Variants in AMIGO2 observed in about 807,000 individuals in gnomAD.
The protein encoded by AMIGO2 is adhesion molecule with Ig like domain 2, also known as amphoterin-induced protein 2.
A neutral mutation model predicts 23.7 loss-of-function variants in AMIGO2; 15 were observed. The ratio of observed to expected loss-of-function variants is 0.63; its 90% CI spans 0.42 to 0.98. The LOEUF is 0.98. Among genes scored for constraint, AMIGO2 ranks in the 50% least tolerant of loss-of-function variants. The pLI is 0.00. For missense variants in AMIGO2, 561 were observed against 633.1 expected, an observed-to-expected ratio of 0.89 and a Z score of 1.22; for synonymous variants, 264 against 252.3, an observed-to-expected ratio of 1.05 and a Z score of -0.44.
Position 47,078,652 on chromosome 12 carries a change from T to G in AMIGO2, c.351A>C (p.Pro117=). Residue 117 remains proline, a synonymous_variant, in exon 3 of 3, where the codon CCA becomes CCC. Coordinates refer to ENST00000550413, the MANE Select transcript of AMIGO2 (RefSeq NM_001370299.1). ...ACGATAAGTCAAGACACTTCAAATTTGGAGTTGTGGAAAAACTGCCCGTGG... is the reference window on the plus strand; with the variant it reads ...ACGATAAGTCAAGACACTTCAAATTGGGAGTTGTGGAAAAACTGCCCGTGG... ...SISTGSFSTT[P]NLKCLDLSSN... The G allele has an allele frequency of 6.2e-7, 1 of 1,614,194 alleles. No individual in the cohort carries two copies. Among genetic ancestry groups the G allele is most frequent in the African/African-American group, 1.3e-5 (1 of 75,040 alleles).
rs2137114162 is a variant in AMIGO2 at position 47,078,158 on chromosome 12, C to A, written c.845G>T (p.Cys282Phe). Reference protein sequence around the residue: ...VLLLQDSFMNCSDSIINGSFR... With the variant: ...VLLLQDSFMNFSDSIINGSFR... ...GGAACCATTGATGATGCTGTCAGAG[C>A]AATTCATAAAGCTATCCTGGAGCAG... The change falls in exon 3 of 3, where the codon TGC becomes TTC. Residue 282 changes from cysteine to phenylalanine, a missense_variant. Cys to Phe is a radical substitution (Grantham distance 205). Coordinates refer to ENST00000550413, the MANE Select transcript of AMIGO2 (RefSeq NM_001370299.1). 3.7e-6 allele frequency: 6 copies of A among 1,614,146 alleles called. No individual in the cohort carries two copies. The highest frequency in any genetic ancestry group is 5.1e-6 in the Non-Finnish European group (6 of 1,180,034).
chr12:47,078,221 C>A lies in AMIGO2; in HGVS notation c.782G>T (p.Arg261Leu). Reference protein sequence around the residue: ...VMDFKNDYTCRLWSDSRHSRQ... With the variant: ...VMDFKNDYTCLLWSDSRHSRQ... ...CGAGTGCCTGGAGTCAGACCACAGG[C>A]GACAGGTGTAATCGTTCTTAAAATC... The change falls in exon 3 of 3, where the codon CGC becomes CTC. Residue 261 changes from arginine (R) to leucine (L), a missense_variant. Physicochemically the swap from Arg to Leu is moderately radical, Grantham distance 102. Transcript: ENST00000550413. The A allele has an allele frequency of 6.2e-7, 1 of 1,614,128 alleles. No homozygotes were observed. Among genetic ancestry groups the A allele is most frequent in the Non-Finnish European group, 8.5e-7 (1 of 1,180,018 alleles).
At chr12:47,076,035 C>T (rs1291319119), downstream of AMIGO2, 1 of 152,196 alleles carries the variant, frequency 6.6e-6, no homozygotes, top group Non-Finnish European at 1.5e-5. Context: ...TGATGTGGAA[C>T]ATCTCTTCAA....
rs954755228 is a variant in AMIGO2 at position 47,076,759 on chromosome 12, T to C, written c.*675A>G. ...ATTTATGGCAACAAATTATGATGAC[T>C]TTAAATTTTCAATGAGATCTTTTGT... is the stretch of plus-strand genomic sequence containing the variant. On this transcript the variant is annotated 3_prime_UTR_variant, in exon 3 of 3. Coordinates refer to ENST00000550413, the MANE Select transcript of AMIGO2 (RefSeq NM_001370299.1). 8.5e-5 allele frequency: 13 copies of C among 152,224 alleles called. No homozygotes were observed. The highest frequency in any genetic ancestry group is 3.1e-4 in the African/African-American group (13 of 41,466). 9.4% of individuals were successfully genotyped at this position (152,224 alleles called of 1,614,324 possible).
rs1391777938 is a variant in AMIGO2, at chr12:47,077,310, G to T, written c.*124C>A. ...TCATTTCCTACCAATCATTTTAAGA[G>T]AATTTGGTTGTATTTCAAAGAACAA... On this transcript the variant is annotated 3_prime_UTR_variant, in exon 3 of 3. Transcript: ENST00000550413. 2.3e-6 allele frequency: 3 copies of T among 1,295,570 alleles called. No individual in the cohort carries two copies. Among genetic ancestry groups the T allele is most frequent in the Non-Finnish European group, 3.1e-6 (3 of 965,470 alleles). 80.3% of individuals were successfully genotyped at this position (1,295,570 alleles called of 1,614,324 possible).
Position 47,077,563 on chromosome 12 carries a change from G to A in AMIGO2, c.1440C>T (p.Asn480=), listed in dbSNP as rs754703315. 31 of 1,613,992 alleles carry A rather than the reference G, an allele frequency of 1.9e-5. No homozygotes were observed. Among genetic ancestry groups the A allele is most frequent in the East Asian group, 2.2e-5 (1 of 44,900 alleles). ...EPLKDTAAGQ[N]GKVRLFPSEA... ...CGCTGGGAAAGAGCCTGACTTTCCC[G>A]TTCTGCCCTGCTGCAGTATCCTTCA... is the stretch of plus-strand genomic sequence containing the variant. The change falls in exon 3 of 3, where the codon AAC becomes AAT. Residue 480 remains asparagine, a synonymous_variant. Transcript: ENST00000550413.
In AMIGO2 at chr12:47,077,381, A is replaced by C; in HGVS notation, c.*53T>G. 6.4e-7 allele frequency: 1 copy of C among 1,550,482 alleles called. No individual in the cohort carries two copies. Among genetic ancestry groups the C allele is most frequent in the Non-Finnish European group, 8.7e-7 (1 of 1,146,406 alleles). ...GCTGTTTATTTTGCAGACCACACAC[A>C]AAGTTAAATATGAACAGATTAAATT... On this transcript the variant is annotated 3_prime_UTR_variant, in exon 3 of 3. Transcript: ENST00000550413.
chr12:47,078,299 G>A lies in AMIGO2; in HGVS notation c.704C>T (p.Ser235Phe), dbSNP rs765792219. ...CCAAAAGACCAGCAAGGAGTACAGG[G>A]AACAGTCACAGACAAATGGGTTTCC... Reference protein sequence around the residue: ...LHGNPFVCDCSLYSLLVFWYR... With the variant: ...LHGNPFVCDCFLYSLLVFWYR... Residue 235 changes from serine to phenylalanine, a missense_variant, in exon 3 of 3, where the codon TCC becomes TTC. By Grantham distance (155) the Ser-to-Phe change is radical. Coordinates refer to ENST00000550413, the MANE Select transcript of AMIGO2 (RefSeq NM_001370299.1). 1.2e-6 allele frequency: 2 copies of A among 1,613,872 alleles called. No individual in the cohort carries two copies. Among genetic ancestry groups the A allele is most frequent in the East Asian group, 2.2e-5 (1 of 44,900 alleles).
At position 47,079,198 on chromosome 12, in the gene AMIGO2, G is replaced by A. The variant is rs988621953; in HGVS notation, c.-120C>T. On this transcript the variant is annotated 5_prime_UTR_variant, in exon 2 of 3. Transcript: ENST00000550413. ...GTTTTATTTCACAATAGGGAGCTCT[G>A]TGTTGCCTCTTCACTGTTAAATGTA... is the stretch of plus-strand genomic sequence containing the variant. 1.0e-5 allele frequency: 7 copies of A among 670,870 alleles called. No homozygotes were observed. In the South Asian group the frequency reaches 2.0e-4, roughly 19 times the overall value. The allele number at this position is 670,870 out of a possible 1,614,324, so 41.6% of individuals were successfully genotyped here.
In AMIGO2 at chr12:47,077,528, A is replaced by G; in HGVS notation, c.1475T>C (p.Ile492Thr). The change falls in exon 3 of 3, where the codon ATA (isoleucine) becomes ACA (threonine). Residue 492 changes from isoleucine to threonine, a missense_variant. Ile to Thr is a moderately conservative substitution (Grantham distance 89). Transcript: ENST00000550413. ...CGTGGACTTTAGGATGCCCTCAGCT[A>G]TCACTGCCTCGCTGGGAAAGAGCCT... ...KVRLFPSEAVIAEGILKSTRG... is the reference protein window; with the variant it reads ...KVRLFPSEAVTAEGILKSTRG... 1 of 1,614,212 alleles carries G rather than the reference A, an allele frequency of 6.2e-7. No homozygotes were observed. The highest frequency in any genetic ancestry group is 8.5e-7 in the Non-Finnish European group (1 of 1,180,034).
downstream of AMIGO2, chr12:47,075,823 CTT>C (rs989311052): frequency 1.3e-5 from 2 of 152,196 alleles, no homozygotes; most frequent in Non-Finnish European, 2.9e-5. Flanking sequence ...GACAATCAAT[CTT>C]TGATTCTCCT....
rs748928017 is a variant in AMIGO2 at position 47,078,396 on chromosome 12, G to C, written c.607C>G (p.Arg203Gly). ...TGGTGCATTGGCATGGAAGGAATTCGGTTATAAGAAACATCTAAAAACATC... is the reference window on the plus strand; with the variant it reads ...TGGTGCATTGGCATGGAAGGAATTCCGTTATAAGAAACATCTAAAAACATC... ...ELMFLDVSYN[R>G]IPSMPMHHIN... Residue 203 changes from arginine to glycine, a missense_variant, in exon 3 of 3, where the codon CGA (arginine) becomes GGA (glycine). Arg to Gly is a moderately radical substitution (Grantham distance 125). Coordinates refer to ENST00000550413, the MANE Select transcript of AMIGO2 (RefSeq NM_001370299.1). The C allele has an allele frequency of 1.1e-5, 18 of 1,613,896 alleles. No individual in the cohort carries two copies. Among genetic ancestry groups the C allele is most frequent in the Non-Finnish European group, 1.4e-5 (16 of 1,180,034 alleles).
Position 47,078,128 on chromosome 12 carries a change from C to T in AMIGO2, c.875G>A (p.Arg292His), listed in dbSNP as rs201958203. ...CSDSIINGSF[R>H]ALGFIHEAQV... ...AGCCTCATGAATAAAGCCAAGCGCA[C>T]GAAAGGAACCATTGATGATGCTGTC... The change falls in exon 3 of 3, where the codon CGT becomes CAT. Residue 292 changes from arginine to histidine, a missense_variant. By Grantham distance (29) the Arg-to-His change is conservative. Coordinates refer to ENST00000550413, the MANE Select transcript of AMIGO2 (RefSeq NM_001370299.1). The T allele has an allele frequency of 8.8e-5, 142 of 1,614,014 alleles. 1 individual carries two copies. Among genetic ancestry groups the T allele is most frequent in the Non-Finnish European group, 8.1e-5 (96 of 1,180,044 alleles).
chr12:47,077,944 A>C lies in AMIGO2; in HGVS notation c.1059T>G (p.Pro353=), dbSNP rs1941882716. 6.2e-7 allele frequency: 1 copy of C among 1,613,852 alleles called. No homozygotes were observed. The highest frequency in any genetic ancestry group is 2.2e-5 in the East Asian group (1 of 44,890). ...FHNGSLVIES[P]RFEDAGVYSC... is the part of the protein sequence containing the mutation. ...AATACACTCCAGCATCCTCAAAACG[A>C]GGGCTTTCTATAACCAGACTTCCAT... Residue 353 remains proline, a synonymous_variant, in exon 3 of 3, where the codon CCT becomes CCG. Transcript: ENST00000550413.
Position 47,077,742 on chromosome 12 carries a change from G to A in AMIGO2, c.1261C>T (p.Pro421Ser). 6.2e-7 allele frequency: 1 copy of A among 1,614,212 alleles called. No individual in the cohort carries two copies. Among genetic ancestry groups the A allele is most frequent in the Non-Finnish European group, 8.5e-7 (1 of 1,180,028 alleles). ...VLVLLYLYLT[P>S]CPCKCKTKRQ... ...TTGGTTTTACACTTGCAGGGGCATG[G>A]AGTCAGATAGAGGTACAAAAGTACC... Residue 421 changes from proline to serine, a missense_variant, in exon 3 of 3, where the codon CCA becomes TCA. Coordinates refer to ENST00000550413, the MANE Select transcript of AMIGO2 (RefSeq NM_001370299.1).
In AMIGO2 at chr12:47,077,255, T is replaced by C. The variant is rs1036942821; in HGVS notation, c.*179A>G. 79 of 867,460 alleles carry C rather than the reference T, an allele frequency of 9.1e-5. No individual in the cohort carries two copies. The highest frequency in any genetic ancestry group is 1.1e-4 in the Non-Finnish European group (64 of 591,776). The allele number at this position is 867,460 out of a possible 1,614,324, so 53.7% of individuals were successfully genotyped here. On this transcript the variant is annotated 3_prime_UTR_variant, in exon 3 of 3. Coordinates refer to ENST00000550413, the MANE Select transcript of AMIGO2 (RefSeq NM_001370299.1). ...TTTGGAAAACAACCCCATCTTTCTA[T>C]GGCACATTGAGGAACTGAAGTACTT...
chr12:47,077,636 TCA>T lies in AMIGO2; in HGVS notation c.1365_1366del (p.Asp456Ter). 24 of 1,614,216 alleles carry T rather than the reference TCA, an allele frequency of 1.5e-5. No individual in the cohort carries two copies. Among genetic ancestry groups the T allele is most frequent in the Non-Finnish European group, 2.0e-5 (24 of 1,180,034 alleles). ...TTTACCTGCACCTGCCTTCCGTTCA[TCA>T]GCGGAGGCATCACTAGCGGGGCCAG... On this transcript the variant is annotated frameshift_variant, in exon 3 of 3. Coordinates refer to ENST00000550413, the MANE Select transcript of AMIGO2 (RefSeq NM_001370299.1). LOFTEE classifies it high-confidence loss of function.
In AMIGO2 at chr12:47,079,156, A is replaced by C; in HGVS notation, c.-78T>G. 1.8e-6 allele frequency: 2 copies of C among 1,117,448 alleles called. No individual in the cohort carries two copies. The highest frequency in any genetic ancestry group is 3.1e-4 in the Middle Eastern group (1 of 3,228). 69.2% of individuals were successfully genotyped at this position (1,117,448 alleles called of 1,614,324 possible). ...AAGAGCCATACCTTACTTTCTTTCC[A>C]ATAACTTTTGAAATGGGTTTTATTT... On this transcript the variant is annotated 5_prime_UTR_variant, in exon 2 of 3. It adds an upstream start codon to the 5' untranslated region. Transcript: ENST00000550413.
Position 47,077,243 on chromosome 12 carries a change from C to A in AMIGO2, c.*191G>T. On this transcript the variant is annotated 3_prime_UTR_variant, in exon 3 of 3. Coordinates refer to ENST00000550413, the MANE Select transcript of AMIGO2 (RefSeq NM_001370299.1). ...TAGAACTTAAACTTTGGAAAACAAC[C>A]CCATCTTTCTATGGCACATTGAGGA... The A allele has an allele frequency of 1.3e-6, 1 of 799,336 alleles. No individual in the cohort carries two copies. The highest frequency in any genetic ancestry group is 1.9e-6 in the Non-Finnish European group (1 of 534,052). 49.5% of individuals were successfully genotyped at this position (799,336 alleles called of 1,614,324 possible).
Sources: allele counts gnomAD v4.1 joint callset, GRCh38; gene constraint gnomAD v4.1.1; transcripts MANE v1.5; gene names NCBI Gene and HGNC (gene_info 2026-07-23, HGNC 2026-07-21).